Variants in NLGN1 observed in about 807,000 individuals in gnomAD.
NLGN1 encodes neuroligin 1.
Under a neutral mutation model 65.5 loss-of-function variants are expected in NLGN1, and 12 were observed. The observed-to-expected ratio is 0.18, with a 90% CI of 0.12 to 0.30. The LOEUF is 0.30. Among genes scored for constraint, NLGN1 ranks in the 10% least tolerant of loss-of-function variants. The pLI is 1.00. For synonymous variants in NLGN1, 350 were observed against 359.5 expected (o/e 0.97, Z 0.30); for missense variants, 750 against 1,007.1 (o/e 0.74, Z 3.46).
intron 2 of NLGN1, among the ~76,000 whole-genome samples, chr3:173,435,619 G>A (rs960767915): frequency 6.6e-6 from 1 of 152,162 alleles, no homozygotes; most frequent in Non-Finnish European, 1.5e-5. Context: ...GGCATATCAC[G>A]AGGTCAGGAG....
At chr3:173,719,750 A>G (rs1770515842) in intron 3 of NLGN1, among the ~76,000 whole-genome samples, 1 of 152,180 alleles carries the variant, frequency 6.6e-6, no homozygotes, top group Non-Finnish European at 1.5e-5. Context: ...TATAGTATAC[A>G]TATTTTTCTT....
intron 4 of NLGN1, among the ~76,000 whole-genome samples, chr3:174,116,307 A>G (rs553293101): frequency 1.4e-5 from 2 of 144,256 alleles, no homozygotes; most frequent in South Asian, 4.4e-4. Flanking sequence ...GAATTGTGAC[A>G]TGTAAGTTTT....
At chr3:173,815,558 T>G (rs1036588441) in intron 4 of NLGN1, among the ~76,000 whole-genome samples, 1 of 152,142 alleles carries the variant, frequency 6.6e-6, no homozygotes, top group Non-Finnish European at 1.5e-5. Flanking sequence ...CCTGCTTGTT[T>G]CGTGGTATCA....
intron 2 of NLGN1, among the ~76,000 whole-genome samples, chr3:173,546,079 A>T (rs957559547): frequency 2.6e-5 from 4 of 152,196 alleles, no homozygotes; most frequent in Non-Finnish European, 5.9e-5. Flanking sequence ...TGTATCCCAG[A>T]ACTTAAAGTA....
chr3:173,985,166 G>A (rs545559765), intron 4 of NLGN1, among the ~76,000 whole-genome samples: 3 of 152,114 alleles, frequency 2.0e-5, no homozygotes, highest in Non-Finnish European at 4.4e-5. Flanking sequence ...GAATTATGAC[G>A]ATTTGAAACT....
At chr3:173,630,975 A>G (rs959937360) in intron 3 of NLGN1, among the ~76,000 whole-genome samples, 2 of 152,268 alleles carry the variant, frequency 1.3e-5, no homozygotes, top group East Asian at 1.9e-4. Flanking sequence ...GGGAGCTTCA[A>G]AGAAAGTCCC....
intron 4 of NLGN1, among the ~76,000 whole-genome samples, chr3:174,034,829 C>T (rs1730778975): frequency 6.6e-6 from 1 of 152,062 alleles, no homozygotes; most frequent in Non-Finnish European, 1.5e-5. Flanking sequence ...TAGATATTAA[C>T]TTGATATCAA....
At chr3:173,997,965 C>G (rs1722593168) in intron 4 of NLGN1, among the ~76,000 whole-genome samples, 1 of 152,028 alleles carries the variant, frequency 6.6e-6, no homozygotes, top group South Asian at 2.1e-4. Flanking sequence ...CAAGATCTTG[C>G]CCATTGTCAG....
At chr3:173,901,370 GGT>G (rs942723739) in intron 4 of NLGN1, among the ~76,000 whole-genome samples, 1 of 148,986 alleles carries the variant, frequency 6.7e-6, no homozygotes. Context: ...TTTTTGGGGG[GGT>G]GTGTGTGTGT....
At chr3:173,929,947 C>T (rs1028373591) in intron 4 of NLGN1, among the ~76,000 whole-genome samples, 2 of 152,108 alleles carry the variant, frequency 1.3e-5, no homozygotes, top group South Asian at 2.1e-4. Flanking sequence ...CAGGTGGATC[C>T]GCCTGCCTCA....
intron 4 of NLGN1, among the ~76,000 whole-genome samples, chr3:173,880,578 A>G (rs1733032419): frequency 6.6e-6 from 1 of 150,904 alleles, no homozygotes; most frequent in South Asian, 2.1e-4. Context: ...GTTTAAAAAT[A>G]TATATATATT....
intron 2 of NLGN1, among the ~76,000 whole-genome samples, chr3:173,527,104 A>G (rs1360957022): frequency 1.3e-5 from 2 of 152,170 alleles, no homozygotes; most frequent in South Asian, 2.1e-4. Context: ...TCCTTAGAGT[A>G]TATACCTAGT....
chr3:173,943,419 A>T (rs994358261), intron 4 of NLGN1, among the ~76,000 whole-genome samples: 1 of 152,152 alleles, frequency 6.6e-6, no homozygotes, highest in African/African-American at 2.4e-5. Flanking sequence ...CAGCCCCTAC[A>T]ACTCTCACCT....
chr3:173,450,819 A>C (rs949975443), intron 2 of NLGN1, among the ~76,000 whole-genome samples: 3 of 152,122 alleles, frequency 2.0e-5, no homozygotes, highest in Admixed American at 6.6e-5. Context: ...ATTTCGTCTT[A>C]CATAGCTGAT....
intron 4 of NLGN1, among the ~76,000 whole-genome samples, chr3:174,092,132 A>G (rs1744638092): frequency 6.6e-6 from 1 of 152,192 alleles, no homozygotes; most frequent in Non-Finnish European, 1.5e-5. Context: ...GCCCATGAAT[A>G]TGTGCTATAA....
intron 1 of NLGN1, among the ~76,000 whole-genome samples, chr3:173,429,959 G>T (rs1375574545): frequency 6.6e-6 from 1 of 152,152 alleles, no homozygotes; most frequent in East Asian, 1.9e-4. Flanking sequence ...TGCCCTGGCT[G>T]GTACTAGCCA....
chr3:173,957,261 A>G (rs751927681), intron 4 of NLGN1, among the ~76,000 whole-genome samples: 4 of 152,160 alleles, frequency 2.6e-5, no homozygotes, highest in Non-Finnish European at 5.9e-5. Flanking sequence ...ATTACTATCT[A>G]TATTAGGGCA....
rs186877518 is a variant in NLGN1, at chr3:174,125,897, A to G, written c.647-149418A>G. On this transcript the variant is annotated intron_variant, in intron 4 of 6. Transcript: ENST00000457714. ...AAACTACTATGCGGTTAAGTCATAA[A>G]AAGAAGAAAATAGCTGTTAACTTTA... 2.9e-3 allele frequency among the ~76,000 whole-genome samples: 440 copies of G among 152,260 alleles called. 2 individuals are homozygous for G. The highest frequency in any genetic ancestry group is 0.01 in the African/African-American group (423 of 41,572).
intron 4 of NLGN1, among the ~76,000 whole-genome samples, chr3:174,267,318 G>C (rs1208122186): frequency 2.0e-5 from 3 of 152,164 alleles, no homozygotes; most frequent in Non-Finnish European, 2.9e-5. Context: ...CATATGAGGA[G>C]TGGAACAAGC....
Sources: gnomAD v4.1 joint callset for allele counts (sites outside exome capture counted in the v4.1 genomes callset) on GRCh38, gnomAD v4.1.1 for gene constraint, MANE v1.5 for transcripts, NCBI Gene and HGNC (gene_info 2026-07-23, HGNC 2026-07-21) for gene names.